The following KLKB1 variants were observed in gnomAD, a reference collection of about 807,000 sequenced individuals.
KLKB1 encodes the protein kallikrein B1.
KLKB1 carries 58 observed loss-of-function variants against 73.6 expected under a neutral mutation model. That is an observed-to-expected ratio of 0.79 (90% confidence interval 0.64 to 0.98). The LOEUF (loss-of-function observed/expected upper bound fraction) is 0.98. Among genes scored for constraint, KLKB1 ranks in the 50% least tolerant of loss-of-function variants. The pLI, the probability that KLKB1 is intolerant of heterozygous loss-of-function variation, is 0.00. For missense variants in KLKB1, 737 were observed against 763.8 expected, an observed-to-expected ratio of 0.96 and a Z score of 0.41; for synonymous variants, 280 against 258.1, an observed-to-expected ratio of 1.08 and a Z score of -0.81.
At chr4:186,241,493 C>T (rs1275811720) in intron 6 of KLKB1, among the ~76,000 whole-genome samples, 1 of 152,130 alleles carries the variant, frequency 6.6e-6, no homozygotes, top group Non-Finnish European at 1.5e-5. Flanking sequence ...ATTATATTTA[C>T]AGATTTCCTT....
At chr4:186,230,139 T>G (rs541827765) in intron 2 of KLKB1, among the ~76,000 whole-genome samples, 3 of 152,336 alleles carry the variant, frequency 2.0e-5, no homozygotes. Flanking sequence ...CATGGGCTTT[T>G]TGGCTCCTGA....
At chr4:186,213,853 C>T (rs1186815925) in intron 2 of KLKB1, among the ~76,000 whole-genome samples, 2 of 152,170 alleles carry the variant, frequency 1.3e-5, no homozygotes, top group Non-Finnish European at 2.9e-5. Context: ...CTGAGTGATA[C>T]ATTTAAAAAT....
intron 6 of KLKB1, among the ~76,000 whole-genome samples, chr4:186,249,257 T>C (rs1738542877): frequency 6.6e-6 from 1 of 152,214 alleles, no homozygotes; most frequent in Non-Finnish European, 1.5e-5. Context: ...TTTTTGCTTA[T>C]GATTTGTTCT....
intron 2 of KLKB1, among the ~76,000 whole-genome samples, chr4:186,216,966 T>C (rs1393765745): frequency 1.3e-5 from 2 of 152,228 alleles, no homozygotes; most frequent in South Asian, 4.1e-4. Context: ...GCTTTTCTCA[T>C]GTAACATAAT....
intron 6 of KLKB1, among the ~76,000 whole-genome samples, chr4:186,245,045 C>T (rs1320098587): frequency 2.0e-5 from 3 of 152,068 alleles, no homozygotes; most frequent in Non-Finnish European, 1.5e-5. Context: ...GGCCTAAGAA[C>T]AGTCAGGGAA....
At position 186,236,840 on chromosome 4, in the gene KLKB1, A is replaced by T. The variant is rs761593160; in HGVS notation, c.388A>T (p.Lys130Ter). The stretch of plus-strand genomic sequence containing the variant: ...GAGAGGAGTCAATTTTAATGTGTCT[A>T]AGGTTAGCAGTGTTGAAGAATGCCA... Reference protein sequence around the residue: ...DMRGVNFNVSKVSSVEECQKR... With the variant: ...DMRGVNFNVS The change falls in exon 5 of 15, where the codon AAG (lysine) becomes TAG (stop). Residue 130 changes from lysine to a stop codon, truncating the protein, a stop_gained. Transcript: ENST00000264690. LOFTEE classifies it high-confidence loss of function. The T allele has an allele frequency of 6.2e-7, 1 of 1,614,000 alleles. No individual in the cohort carries two copies. Among genetic ancestry groups the T allele is most frequent in the Non-Finnish European group, 8.5e-7 (1 of 1,179,894 alleles).
chr4:186,239,869 TGTTATA>T (rs369295522), intron 6 of KLKB1, among the ~76,000 whole-genome samples: 13,879 of 147,140 alleles, frequency 0.094, 856 homozygotes, highest in South Asian at 0.19. Context: ...ACAGTGATAT[TGTTATA>T]GTTATAGGAA....
intron 2 of KLKB1, among the ~76,000 whole-genome samples, chr4:186,230,123 A>G (rs1170350318): frequency 6.6e-6 from 1 of 152,138 alleles, no homozygotes; most frequent in Non-Finnish European, 1.5e-5. Flanking sequence ...TTTAAGCCAG[A>G]TTCACCATGG....
At position 186,236,805 on chromosome 4, in the gene KLKB1, G is replaced by A; in HGVS notation, c.353G>A (p.Gly118Glu). ...ISACHRDIYK[G>E]VDMRGVNFNV... ...GCTTGCCATCGAGACATTTATAAAGGAGTTGATATGAGAGGAGTCAATTTT... is the reference window on the plus strand; with the variant it reads ...GCTTGCCATCGAGACATTTATAAAGAAGTTGATATGAGAGGAGTCAATTTT... The change falls in exon 5 of 15, where the codon GGA (glycine) becomes GAA (glutamate). Residue 118 changes from glycine (G) to glutamate (E), a missense_variant. Coordinates refer to ENST00000264690, the MANE Select transcript of KLKB1 (RefSeq NM_000892.5). 1 of 1,613,922 alleles carries A rather than the reference G, an allele frequency of 6.2e-7. No homozygotes were observed. Among genetic ancestry groups the A allele is most frequent in the Non-Finnish European group, 8.5e-7 (1 of 1,179,918 alleles).
chr4:186,250,011 G>A (rs184774523), intron 6 of KLKB1, among the ~76,000 whole-genome samples: 19 of 152,266 alleles, frequency 1.2e-4, no homozygotes, highest in Admixed American at 1.0e-3. Flanking sequence ...GGAGCTGGGA[G>A]CACAGCTTTT....
Position 186,258,250 on chromosome 4 carries a change from G to C in KLKB1, c.*38G>C, listed in dbSNP as rs774764101. 1.3e-6 allele frequency: 2 copies of C among 1,576,140 alleles called. No homozygotes were observed. The highest frequency in any genetic ancestry group is 4.5e-5 in the East Asian group (2 of 44,148). On this transcript the variant is annotated 3_prime_UTR_variant, in exon 15 of 15. Coordinates refer to ENST00000264690, the MANE Select transcript of KLKB1 (RefSeq NM_000892.5). ...AGTCTAGGCAATTTTTACAACCTGA[G>C]TTCAAGTCAAATTCTGAGCCTGGGG...
At chr4:186,235,345 T>A (rs140972283) in intron 4 of KLKB1, among the ~76,000 whole-genome samples, 443 of 56,158 alleles carry the variant, frequency 7.9e-3, no homozygotes, top group Non-Finnish European at 0.01. Context: ...TTGCTTTTAA[T>A]GTTTTTTAAA....
intron 11 of KLKB1, 40 bp downstream of exon 11, chr4:186,252,225 C>T: frequency 6.2e-7 from 1 of 1,602,192 alleles, no homozygotes; most frequent in Non-Finnish European, 8.5e-7. Flanking sequence ...CTTATCTTGG[C>T]TTTTCATTTT....
At chr4:186,215,849 C>T (rs562638885) in intron 2 of KLKB1, among the ~76,000 whole-genome samples, 9 of 152,238 alleles carry the variant, frequency 5.9e-5, no homozygotes, top group Admixed American at 2.6e-4. Flanking sequence ...CCACATCTTC[C>T]TAGGAGTGGG....
intron 6 of KLKB1, among the ~76,000 whole-genome samples, chr4:186,245,715 C>T (rs1474568676): frequency 6.6e-6 from 1 of 151,842 alleles, no homozygotes; most frequent in African/African-American, 2.4e-5. Flanking sequence ...TACATTGCTA[C>T]TTGGCTGCCT....
rs564940356 is a variant in KLKB1, at chr4:186,236,721, T to A, written c.329-60T>A. ...CTACCAACCCAAATGGTAGTGGGTATCTAATCTACCTCTAGAAAGAAAATG... is the reference window on the plus strand; with the variant it reads ...CTACCAACCCAAATGGTAGTGGGTAACTAATCTACCTCTAGAAAGAAAATG... On this transcript the variant is annotated intron_variant, in intron 4 of 14. Transcript: ENST00000264690. 7.9e-4 allele frequency: 1,247 copies of A among 1,568,714 alleles called. 1 individual carries two copies. The highest frequency in any genetic ancestry group is 1.0e-3 in the Non-Finnish European group (1,175 of 1,140,602).
At position 186,237,005 on chromosome 4, in the gene KLKB1, TA is replaced by T. The variant is rs1291577804; in HGVS notation, c.488+67del. 3.4e-5 allele frequency: 52 copies of T among 1,541,174 alleles called. No individual in the cohort carries two copies. In the African/African-American group the frequency reaches 6.3e-4, roughly 19 times the overall value. On this transcript the variant is annotated intron_variant, in intron 5 of 14. Transcript: ENST00000264690. ...CTCCAGGATTTCACTGTATTCTTCT[TA>T]ACCTCTTTTGTTCCCAAACTAAAAA...
At chr4:186,238,174 A>G in intron 5 of KLKB1, 82 bp from the exon 6 acceptor site, 1 of 892,252 alleles carries the variant, frequency 1.1e-6, no homozygotes, top group South Asian at 1.3e-5. Context: ...TCCACTGTGC[A>G]TTTTAATACT....
intron 5 of KLKB1, 67 bp downstream of exon 5, chr4:186,237,007 A>G (rs554523048): frequency 6.5e-7 from 1 of 1,538,258 alleles, no homozygotes; most frequent in East Asian, 2.2e-5. Context: ...ATTCTTCTTA[A>G]CCTCTTTTGT....
Sources: allele counts gnomAD v4.1 joint callset (sites outside exome capture counted in the v4.1 genomes callset), GRCh38; gene constraint gnomAD v4.1.1; transcripts MANE v1.5; gene names NCBI Gene and HGNC (gene_info 2026-07-23, HGNC 2026-07-21).